The following ARHGAP26 variants were observed in gnomAD, a reference collection of about 807,000 sequenced individuals.
ARHGAP26 encodes the protein Rho GTPase activating protein 26.
In ARHGAP26, 38 loss-of-function variants were observed where a neutral mutation model predicts 104.8. The ratio of observed to expected loss-of-function variants is 0.36; its 90% confidence interval spans 0.28 to 0.48. The LOEUF (loss-of-function observed/expected upper bound fraction) is 0.48. Among genes scored for constraint, ARHGAP26 ranks in the 20% least tolerant of loss-of-function variants. ARHGAP26 has a pLI of 0.99. For synonymous variants in ARHGAP26, 341 were observed against 340.0 expected, an observed-to-expected ratio of 1.00 and a Z score of -0.03; for missense variants, 704 against 947.9, an observed-to-expected ratio of 0.74 and a Z score of 3.38.
At chr5:143,078,679 T>C (rs1789387160) in intron 17 of ARHGAP26, among the ~76,000 whole-genome samples, 1 of 152,214 alleles carries the variant, frequency 6.6e-6, no homozygotes, top group Non-Finnish European at 1.5e-5. Context: ...TTTAAACCTG[T>C]CCTAGAACTT....
At chr5:143,134,936 G>A (rs568624016) in intron 19 of ARHGAP26, among the ~76,000 whole-genome samples, 3 of 152,368 alleles carry the variant, frequency 2.0e-5, no homozygotes, top group South Asian at 4.1e-4. Flanking sequence ...ATTGGTTACC[G>A]TTTAATCACA....
chr5:142,863,944 A>G (rs1444644542), intron 1 of ARHGAP26, among the ~76,000 whole-genome samples: 2 of 152,114 alleles, frequency 1.3e-5, no homozygotes, highest in Non-Finnish European at 2.9e-5. Context: ...GTTGAGCAGA[A>G]CAGAACTGCT....
chr5:143,007,734 A>C (rs1239427868), intron 11 of ARHGAP26, among the ~76,000 whole-genome samples: 2 of 152,356 alleles, frequency 1.3e-5, no homozygotes, highest in East Asian at 3.9e-4. Flanking sequence ...GGATGAAATA[A>C]AATCATTCGT....
At chr5:143,194,511 A>G (rs1806477776) in intron 20 of ARHGAP26, among the ~76,000 whole-genome samples, 1 of 152,116 alleles carries the variant, frequency 6.6e-6, no homozygotes, top group Non-Finnish European at 1.5e-5. Context: ...ACCTTTTTGC[A>G]CTATAAGTTT....
intron 20 of ARHGAP26, 128 bp downstream of exon 20, chr5:143,147,509 A>C: frequency 1.0e-5 from 11 of 1,091,872 alleles, no homozygotes; most frequent in Non-Finnish European, 1.4e-5. Context: ...TCCTCCCTAA[A>C]CTGGGAGCTC....
chr5:142,858,794 T>C (rs1341644276), intron 1 of ARHGAP26, among the ~76,000 whole-genome samples: 1 of 151,886 alleles, frequency 6.6e-6, no homozygotes, highest in Non-Finnish European at 1.5e-5. Flanking sequence ...GCTATGAGAG[T>C]GTACCCCTGG....
At chr5:142,805,916 G>T (rs1036964122) in intron 1 of ARHGAP26, among the ~76,000 whole-genome samples, 1 of 152,158 alleles carries the variant, frequency 6.6e-6, no homozygotes, top group East Asian at 1.9e-4. Flanking sequence ...AAGTAGCAAT[G>T]CTCCCCCTTC....
intron 1 of ARHGAP26, among the ~76,000 whole-genome samples, chr5:142,867,304 T>C (rs1442350570): frequency 1.4e-5 from 2 of 146,580 alleles, no homozygotes; most frequent in East Asian, 6.9e-4. Flanking sequence ...TGTGTGTGTG[T>C]GTGTGTGTGT....
intron 1 of ARHGAP26, among the ~76,000 whole-genome samples, chr5:142,840,389 G>C (rs1299096577): frequency 1.3e-5 from 2 of 152,150 alleles, no homozygotes; most frequent in Non-Finnish European, 2.9e-5. Context: ...TAAATCCTTA[G>C]TCTTTGTCCA....
chr5:142,952,320 C>T (rs894344653), intron 11 of ARHGAP26, among the ~76,000 whole-genome samples: 4 of 152,142 alleles, frequency 2.6e-5, no homozygotes, highest in African/African-American at 4.8e-5. Context: ...TGCCAACATT[C>T]GGCAGTGCAG....
intron 1 of ARHGAP26, among the ~76,000 whole-genome samples, chr5:142,792,533 C>G (rs1229534867): frequency 6.6e-6 from 1 of 152,142 alleles, no homozygotes; most frequent in Non-Finnish European, 1.5e-5. Flanking sequence ...ACTTATTGAC[C>G]CACATTTTTT....
chr5:143,186,150 A>T (rs1358194657), intron 20 of ARHGAP26, among the ~76,000 whole-genome samples: 5 of 152,234 alleles, frequency 3.3e-5, no homozygotes, highest in Non-Finnish European at 7.3e-5. Flanking sequence ...CAGCTTAGGA[A>T]TGGGAACTGT....
chr5:142,913,360 C>G, intron 10 of ARHGAP26, 67 bp downstream of exon 10: 2 of 1,440,040 alleles, frequency 1.4e-6, no homozygotes, highest in Admixed American at 3.4e-5. Flanking sequence ...CTTTTTCTTT[C>G]CAGTCAAACC....
chr5:142,895,971 A>G (rs1368643231), intron 6 of ARHGAP26, among the ~76,000 whole-genome samples: 1 of 151,176 alleles, frequency 6.6e-6, no homozygotes, highest in Non-Finnish European at 1.5e-5. Context: ...GTCTCCATAT[A>G]TGAATATTAA....
At chr5:143,142,198 G>T (rs963079799) in intron 19 of ARHGAP26, among the ~76,000 whole-genome samples, 2 of 139,804 alleles carry the variant, frequency 1.4e-5, no homozygotes, top group African/African-American at 5.5e-5. Context: ...GAGTGCAGTG[G>T]CACGATCTTG....
intron 11 of ARHGAP26, among the ~76,000 whole-genome samples, chr5:142,996,446 T>C (rs1303245416): frequency 6.6e-6 from 1 of 152,054 alleles, no homozygotes; most frequent in African/African-American, 2.4e-5. Context: ...TGAGCCAAGA[T>C]CACGCCACTG....
rs561309307 is a variant in ARHGAP26 at position 142,816,139 on chromosome 5, G to A, written c.154+45224G>A. Among the ~76,000 whole-genome samples the A allele has an allele frequency of 8.5e-5, 13 of 152,186 alleles. No individual in the cohort carries two copies. The South Asian group carries it at 2.7e-3, about 32-fold the overall frequency. On this transcript the variant is annotated intron_variant, in intron 1 of 22. Coordinates refer to ENST00000645722, the MANE Select transcript of ARHGAP26 (RefSeq NM_001135608.3). ...GGACTCTGATTCTTTCCCTTCTACA[G>A]CATAGAGATATTGCTAACTGTACAC... is the stretch of plus-strand genomic sequence containing the variant.
chr5:142,891,971 C>G (rs1455506529), intron 5 of ARHGAP26, among the ~76,000 whole-genome samples: 1 of 151,908 alleles, frequency 6.6e-6, no homozygotes, highest in Non-Finnish European at 1.5e-5. Context: ...CAACTCCATA[C>G]GTGGAGTTTC....
chr5:142,902,187 G>T lies in ARHGAP26; in HGVS notation c.702+148G>T, dbSNP rs533521718. ...GTTCAGAGGGAAACTAGGGGCAGGC[G>T]TTTCTAGAGTGCTTGGTGGTTCTGA... On this transcript the variant is annotated intron_variant, in intron 7 of 22. Transcript: ENST00000645722. The T allele has an allele frequency of 1.8e-5, 11 of 614,366 alleles. No individual in the cohort carries two copies. The East Asian group carries it at 3.1e-4, about 18-fold the overall frequency. The allele number at this position is 614,366 out of a possible 1,614,324, so 38.1% of individuals were successfully genotyped here. A position where few individuals can be genotyped will look rare whatever the true frequency, so the allele number is the denominator to read the frequency against.
Sources: allele counts gnomAD v4.1 joint callset (sites outside exome capture counted in the v4.1 genomes callset), GRCh38; gene constraint gnomAD v4.1.1; transcripts MANE v1.5; gene names NCBI Gene and HGNC (gene_info 2026-07-23, HGNC 2026-07-21).